The following POLR3G variants were observed in gnomAD, a reference collection of about 807,000 sequenced individuals.
POLR3G encodes the protein RNA polymerase III subunit G, also known as DNA-directed RNA polymerase III subunit RPC7.
In POLR3G, 28 loss-of-function variants were observed where a neutral mutation model predicts 30.1. That is an observed-to-expected ratio of 0.93 (90% confidence interval 0.69 to 1.27). The LOEUF (loss-of-function observed/expected upper bound fraction) is 1.27, where lower values mean the gene tolerates loss of function less well. POLR3G is among the 50% of genes most tolerant of loss of function. The pLI is 0.00. For synonymous variants in POLR3G, 79 were observed against 82.5 expected (o/e 0.96, Z 0.23); for missense variants, 254 against 264.6 (o/e 0.96, Z 0.28).
chr5:90,511,204 C>T (rs1413654857), intron 7 of POLR3G, among the ~76,000 whole-genome samples: 1 of 152,148 alleles, frequency 6.6e-6, no homozygotes, highest in East Asian at 1.9e-4. Flanking sequence ...ACAAATATGT[C>T]AGTATGGATT....
chr5:90,474,119 G>A (rs1370178648), upstream of POLR3G: 8 of 1,582,028 alleles, frequency 5.1e-6, no homozygotes, highest in Non-Finnish European at 6.0e-6. Context: ...GGCCGGAGGA[G>A]TACAGGTACT....
At chr5:90,477,315 A>T (rs1750881474) in intron 1 of POLR3G, among the ~76,000 whole-genome samples, 1 of 152,204 alleles carries the variant, frequency 6.6e-6, no homozygotes, top group Non-Finnish European at 1.5e-5. Flanking sequence ...GAGAGGCAGA[A>T]AGACTCCAAA....
intron 3 of POLR3G, among the ~76,000 whole-genome samples, chr5:90,494,693 A>C (rs923532803): frequency 2.6e-5 from 4 of 151,960 alleles, no homozygotes; most frequent in African/African-American, 9.7e-5. Context: ...TTCTTTAGAG[A>C]ATTGTCTATT....
intron 3 of POLR3G, among the ~76,000 whole-genome samples, chr5:90,488,981 C>G (rs964636367): frequency 6.6e-6 from 1 of 152,122 alleles, no homozygotes; most frequent in African/African-American, 2.4e-5. Context: ...ATTAGAGAGA[C>G]TGATATCATC....
At position 90,501,211 on chromosome 5, in the gene POLR3G, CTT is replaced by C. The variant is rs532346093; in HGVS notation, c.356-693_356-692del. ...AATGAACATATTTGAAGTACAGACA[CTT>C]TACATTTTTTGCACATATATATTTA... is the stretch of plus-strand genomic sequence containing the variant. On this transcript the variant is annotated intron_variant, in intron 5 of 7. Transcript: ENST00000651687. Among the ~76,000 whole-genome samples, 888 of 152,196 alleles carry C rather than the reference CTT, an allele frequency of 5.8e-3. 11 individuals carry two copies. The highest frequency in any genetic ancestry group is 0.027 in the Middle Eastern group (8 of 294).
At chr5:90,475,064 T>A (rs1182431986) in intron 1 of POLR3G, 44 bp downstream of exon 1, 1 of 151,110 alleles carries the variant, frequency 6.6e-6, no homozygotes, top group Admixed American at 6.6e-5. Flanking sequence ...GTGGTGAGGG[T>A]AGAGGGGAAT....
chr5:90,474,521 A>AGCAGAGGCTGCGCCACCAGCAC (rs1231440414), upstream of POLR3G: 1 of 542,310 alleles, frequency 1.8e-6, no homozygotes, highest in Admixed American at 3.5e-5. Context: ...GTCGGCAGCA[A>AGCAGAGGCTGCGCCACCAGCAC]GCAGAGGCTG....
chr5:90,502,818 G>A (rs1414492479), intron 6 of POLR3G, among the ~76,000 whole-genome samples: 1 of 51,900 alleles, frequency 1.9e-5, no homozygotes. Context: ...TTTTTTTTTT[G>A]GCTGCACTAT....
At chr5:90,505,536 A>T (rs1173232615) in intron 6 of POLR3G, among the ~76,000 whole-genome samples, 1 of 152,220 alleles carries the variant, frequency 6.6e-6, no homozygotes, top group Admixed American at 6.5e-5. Flanking sequence ...CTTGTGGATA[A>T]GTGGGACTCT....
chr5:90,485,856 T>C (rs919291911), intron 2 of POLR3G, among the ~76,000 whole-genome samples, 172 bp downstream of exon 2: 9 of 152,210 alleles, frequency 5.9e-5, no homozygotes, highest in Admixed American at 1.3e-4. Flanking sequence ...TCTTAAAATA[T>C]AGAAAACAAA....
At position 90,513,686 on chromosome 5, in the gene POLR3G, C is replaced by G. The variant is rs530333328; in HGVS notation, c.*1547C>G. Reference sequence around the variant, plus strand: ...AATGGCAATACTTTCTTAAATAATTCAAGATGGGTGTGAGGACCTATCTTA... The same window carrying G: ...AATGGCAATACTTTCTTAAATAATTGAAGATGGGTGTGAGGACCTATCTTA... On this transcript the variant is annotated 3_prime_UTR_variant, in exon 8 of 8. Coordinates refer to ENST00000651687, the MANE Select transcript of POLR3G (RefSeq NM_006467.3). 2 of 152,226 alleles carry G rather than the reference C, an allele frequency of 1.3e-5. No individual in the cohort carries two copies. The highest frequency in any genetic ancestry group is 1.9e-4 in the East Asian group (1 of 5,184). The allele number at this position is 152,226 out of a possible 1,614,324, so 9.4% of individuals were successfully genotyped here.
At chr5:90,487,909 A>G (rs1668249959) in intron 2 of POLR3G, 91 bp from the exon 3 acceptor site, 6 of 1,055,998 alleles carry the variant, frequency 5.7e-6, no homozygotes, top group Non-Finnish European at 6.4e-6. Flanking sequence ...ATAGTATTTC[A>G]ATAAAACTGC....
At chr5:90,476,216 C>G (rs1370441958) in intron 1 of POLR3G, among the ~76,000 whole-genome samples, 1 of 152,170 alleles carries the variant, frequency 6.6e-6, no homozygotes, top group Non-Finnish European at 1.5e-5. Context: ...GGGCATGCAG[C>G]TTTTCTAAAT....
chr5:90,485,824 T>C, intron 2 of POLR3G, 140 bp downstream of exon 2: 1 of 575,620 alleles, frequency 1.7e-6, no homozygotes, highest in Non-Finnish European at 3.0e-6. Flanking sequence ...CACTTACCTT[T>C]AAATATTTTC....
chr5:90,498,392 A>G (rs1243498207), intron 5 of POLR3G, among the ~76,000 whole-genome samples: 1 of 151,922 alleles, frequency 6.6e-6, no homozygotes, highest in Non-Finnish European at 1.5e-5. Context: ...GTACTACCTA[A>G]TAGGTAGTTT....
At chr5:90,485,805 AGT>A in intron 2 of POLR3G, 121 bp downstream of exon 2, 1 of 651,336 alleles carries the variant, frequency 1.5e-6, no homozygotes, top group South Asian at 2.5e-5. Context: ...AGTAAAGGAG[AGT>A]GTGTTTCACT....
At chr5:90,504,964 C>A (rs1198978267) in intron 6 of POLR3G, among the ~76,000 whole-genome samples, 2 of 152,056 alleles carry the variant, frequency 1.3e-5, no homozygotes, top group Non-Finnish European at 2.9e-5. Context: ...TGTCTGTTAC[C>A]TTGGTCTTAT....
intron 3 of POLR3G, among the ~76,000 whole-genome samples, 179 bp downstream of exon 3, chr5:90,488,308 T>C (rs766533295): frequency 1.8e-4 from 28 of 152,206 alleles, no homozygotes; most frequent in Non-Finnish European, 4.1e-4. Context: ...TTTTGATATT[T>C]TATTTTTAGA....
chr5:90,474,631 T>G, upstream of POLR3G: 2 of 323,010 alleles, frequency 6.2e-6, no homozygotes, highest in Admixed American at 5.1e-5. Context: ...GAGACTCAGG[T>G]GGCGACCGTT....
Sources: gnomAD v4.1 joint callset for allele counts (sites outside exome capture counted in the v4.1 genomes callset) on GRCh38, gnomAD v4.1.1 for gene constraint, MANE v1.5 for transcripts, NCBI Gene and HGNC (gene_info 2026-07-23, HGNC 2026-07-21) for gene names.